The following GARNL3 variants were observed in gnomAD, a reference collection of about 807,000 sequenced individuals.
GARNL3 encodes the protein GTPase-activating Rap/Ran-GAP domain-like protein 3.
In GARNL3, 63 loss-of-function variants were observed where a neutral mutation model predicts 125.0. The ratio of observed to expected loss-of-function variants is 0.50; its 90% confidence interval spans 0.41 to 0.62. GARNL3 has a LOEUF of 0.62. GARNL3 is among the 20% of genes least tolerant of loss of function. GARNL3 has a pLI of 0.00. For synonymous variants in GARNL3, 439 were observed against 457.5 expected, an observed-to-expected ratio of 0.96 and a Z score of 0.52; for missense variants, 994 against 1,244.0, an observed-to-expected ratio of 0.80 and a Z score of 3.02.
Position 127,391,534 on chromosome 9 carries a change from AT to A in GARNL3, c.2870+768del, listed in dbSNP as rs1234938443. On this transcript the variant is annotated intron_variant, in intron 27 of 27. Transcript: ENST00000373387. Reference sequence around the variant, plus strand: ...CAAGACCCATCTCTACAAAAAAAAAATATATATATATATATATAGGCTGGGT... The same window carrying A: ...CAAGACCCATCTCTACAAAAAAAAAAATATATATATATATATAGGCTGGGT... Among the ~76,000 whole-genome samples, 433 of 102,210 alleles carry A rather than the reference AT, an allele frequency of 4.2e-3. 25 individuals are homozygous for A. Among genetic ancestry groups the A allele is most frequent in the African/African-American group, 0.014 (414 of 29,454 alleles). 67.1% of individuals were successfully genotyped at this position (102,210 alleles called of 152,430 possible). A position where few individuals can be genotyped will look rare whatever the true frequency, so the allele number is the denominator to read the frequency against.
chr9:127,247,891 G>A (rs777163817), intron 2 of GARNL3, among the ~76,000 whole-genome samples: 3 of 151,654 alleles, frequency 2.0e-5, no homozygotes, highest in Non-Finnish European at 4.4e-5. Context: ...CTATTTTTTC[G>A]TACTCATTAA....
chr9:127,391,692 C>A (rs1319569675), intron 27 of GARNL3, among the ~76,000 whole-genome samples: 2 of 138,216 alleles, frequency 1.4e-5, no homozygotes, highest in Non-Finnish European at 3.1e-5. Context: ...CAGAGCAAGA[C>A]CCCGTGTCAA....
intron 2 of GARNL3, among the ~76,000 whole-genome samples, chr9:127,307,821 A>G (rs1032646961): frequency 6.6e-6 from 1 of 152,202 alleles, no homozygotes; most frequent in Non-Finnish European, 1.5e-5. Context: ...ATAAAAAAAT[A>G]AAAAGATAAA....
chr9:127,327,648 C>T (rs1478535471), intron 7 of GARNL3, among the ~76,000 whole-genome samples: 1 of 152,170 alleles, frequency 6.6e-6, no homozygotes, highest in Non-Finnish European at 1.5e-5. Flanking sequence ...ATCCTCCCGG[C>T]TCAGCCTCCT....
rs754015563 is a variant in GARNL3 at position 127,333,100 on chromosome 9, C to G, written c.748C>G (p.Arg250Gly). Residue 250 changes from arginine to glycine, a missense_variant, in exon 9 of 28, where the codon CGT becomes GGT. Around this residue, in one of 5 missense-constraint regions of GARNL3, gnomAD observed 71 missense variants for 66.2 expected, o/e 1.07. Transcript: ENST00000373387. ...TITLKGWTGY[R>G]GGLDTKNDTT... ...CACTCTAAAGGGCTGGACGGGCTAC[C>G]GTGGCGGTCTGGATACCAAAAGTAA... is the stretch of plus-strand genomic sequence containing the variant. The G allele has an allele frequency of 6.2e-7, 1 of 1,613,858 alleles. No individual in the cohort carries two copies. Among genetic ancestry groups the G allele is most frequent in the Non-Finnish European group, 8.5e-7 (1 of 1,179,810 alleles).
upstream of GARNL3, among the ~76,000 whole-genome samples, chr9:127,263,196 T>C (rs992863452): frequency 6.6e-6 from 1 of 152,188 alleles, no homozygotes; most frequent in African/African-American, 2.4e-5. Flanking sequence ...GGGTTATGTG[T>C]TTGTGTCTGG....
chr9:127,324,206 G>A (rs964274449), intron 6 of GARNL3, among the ~76,000 whole-genome samples: 8 of 152,276 alleles, frequency 5.3e-5, no homozygotes, highest in South Asian at 2.1e-4. Flanking sequence ...AGCCAAGGTC[G>A]CACCACTGTG....
chr9:127,390,996 G>A (rs1345644408), intron 27 of GARNL3, among the ~76,000 whole-genome samples: 1 of 152,198 alleles, frequency 6.6e-6, no homozygotes, highest in Non-Finnish European at 1.5e-5. Flanking sequence ...CAAATCTATT[G>A]AGACCTGGCC....
chr9:127,355,429 C>CT lies in GARNL3; in HGVS notation c.1893dup (p.Pro632SerfsTer4). The CT allele has an allele frequency of 6.2e-7, 1 of 1,614,240 alleles. No homozygotes were observed. Among genetic ancestry groups the CT allele is most frequent in the Non-Finnish European group, 8.5e-7 (1 of 1,180,022 alleles). The stretch of plus-strand genomic sequence containing the variant: ...GGGGTCACCAGCACCTCATTGTTAT[C>CT]TCCCCTGTCTGAGTCACCTGTTGAA... On this transcript the variant is annotated frameshift_variant, in exon 20 of 28. Coordinates refer to ENST00000373387, the MANE Select transcript of GARNL3 (RefSeq NM_032293.5). LOFTEE classifies it high-confidence loss of function.
chr9:127,269,285 C>G (rs2063766672), intron 1 of GARNL3, among the ~76,000 whole-genome samples: 1 of 152,234 alleles, frequency 6.6e-6, no homozygotes, highest in Non-Finnish European at 1.5e-5. Flanking sequence ...CAGGCATGAG[C>G]CACCGCACCC....
At chr9:127,237,243 C>T (rs1020702756) in intron 1 of GARNL3, among the ~76,000 whole-genome samples, 2 of 152,178 alleles carry the variant, frequency 1.3e-5, no homozygotes, top group African/African-American at 4.8e-5. Context: ...CCCATGCTGC[C>T]GACTCTGCCT....
At chr9:127,303,153 AAAAAAT>A (rs1234537378) in intron 2 of GARNL3, among the ~76,000 whole-genome samples, 3 of 152,212 alleles carry the variant, frequency 2.0e-5, no homozygotes, top group Admixed American at 1.3e-4. Context: ...TCCATCTCAA[AAAAAAT>A]AAAAATAAAA....
chr9:127,353,480 T>C (rs1227326949), intron 17 of GARNL3: 1 of 183,212 alleles, frequency 5.5e-6, no homozygotes, highest in African/African-American at 2.4e-5. Context: ...AAATGGCTGC[T>C]CTTTTTTTTT....
chr9:127,306,494 G>A (rs1470109071), intron 2 of GARNL3, among the ~76,000 whole-genome samples: 4 of 152,176 alleles, frequency 2.6e-5, no homozygotes, highest in South Asian at 2.1e-4. Context: ...TTGGGAGGCC[G>A]AGGCGGGCGG....
At chr9:127,256,807 A>C (rs550871933) in intron 2 of GARNL3, among the ~76,000 whole-genome samples, 59 of 152,324 alleles carry the variant, frequency 3.9e-4, no homozygotes, top group Non-Finnish European at 6.2e-4. Flanking sequence ...ACTGTATTGC[A>C]AGCAGGAAAT....
intron 22 of GARNL3, among the ~76,000 whole-genome samples, chr9:127,380,200 A>ATGTGTGTGTGTGTG (rs55906930): frequency 5.2e-4 from 73 of 141,744 alleles, no homozygotes; most frequent in East Asian, 1.0e-3. Flanking sequence ...CTCAAAAAAT[A>ATGTGTGTGTGTGTG]TGTGTGTGTG....
intron 2 of GARNL3, among the ~76,000 whole-genome samples, chr9:127,297,674 A>G (rs955483314): frequency 6.6e-6 from 1 of 152,224 alleles, no homozygotes; most frequent in African/African-American, 2.4e-5. Context: ...CTTGATGGAT[A>G]AATTTGCTCC....
At position 127,384,699 on chromosome 9, in the gene GARNL3, A is replaced by G. The variant is rs1344074689; in HGVS notation, c.2270-328A>G. Among the ~76,000 whole-genome samples, 4 of 152,304 alleles carry G rather than the reference A, an allele frequency of 2.6e-5. No individual in the cohort carries two copies. The highest frequency in any genetic ancestry group is 3.4e-3 in the Middle Eastern group (1 of 294). Reference sequence around the variant, plus strand: ...AGAATGTCAGGCTGGCGTCTGAACAACAGAAGGGACTCCCCACAGGACTAT... The same window carrying G: ...AGAATGTCAGGCTGGCGTCTGAACAGCAGAAGGGACTCCCCACAGGACTAT... On this transcript the variant is annotated intron_variant, in intron 23 of 27. Coordinates refer to ENST00000373387, the MANE Select transcript of GARNL3 (RefSeq NM_032293.5). The surrounding 1 kb of genome is among the most constrained non-coding windows in gnomAD (Gnocchi z 4.0).
At chr9:127,255,464 A>T (rs1564852435) in intron 2 of GARNL3, among the ~76,000 whole-genome samples, 1 of 152,368 alleles carries the variant, frequency 6.6e-6, no homozygotes, top group South Asian at 2.1e-4. Flanking sequence ...GAGTAAGTAC[A>T]TAGTATAAAT....
Sources: allele counts gnomAD v4.1 joint callset (sites outside exome capture counted in the v4.1 genomes callset), GRCh38; gene constraint gnomAD v4.1.1; regional missense constraint gnomAD v4.1.1; non-coding constraint Gnocchi (gnomAD v3.1); transcripts MANE v1.5; gene names NCBI Gene and HGNC (gene_info 2026-07-23, HGNC 2026-07-21).